The following MVB12B variants were observed in gnomAD, a reference collection of about 807,000 sequenced individuals.
The protein encoded by MVB12B is ESCRT-I complex subunit MVB12B.
MVB12B carries 16 observed loss-of-function variants against 41.6 expected under a neutral mutation model. The ratio of observed to expected loss-of-function variants is 0.38; its 90% CI spans 0.26 to 0.58. The LOEUF (loss-of-function observed/expected upper bound fraction) is 0.58, where lower values mean the gene tolerates loss of function less well. Ranked by LOEUF, MVB12B falls within the 20% of genes least tolerant of loss-of-function variation. MVB12B has a pLI of 0.62. For missense variants in MVB12B, 274 were observed against 380.2 expected (o/e 0.72, Z 2.32); for synonymous variants, 133 against 139.7 (o/e 0.95, Z 0.34).
intron 6 of MVB12B, among the ~76,000 whole-genome samples, chr9:126,401,982 G>A (rs918676400): frequency 2.6e-5 from 4 of 152,188 alleles, no homozygotes; most frequent in Admixed American, 6.5e-5. Flanking sequence ...GGACTTGAAC[G>A]AAAGGCCCAG....
chr9:126,346,587 G>T (rs570349818), intron 2 of MVB12B, among the ~76,000 whole-genome samples: 4 of 152,186 alleles, frequency 2.6e-5, no homozygotes, highest in African/African-American at 9.6e-5. Context: ...CTGGAGAGAG[G>T]TCTGAGCACC....
At chr9:126,450,863 GA>G (rs1832875327) in intron 7 of MVB12B, among the ~76,000 whole-genome samples, 1 of 152,214 alleles carries the variant, frequency 6.6e-6, no homozygotes, top group Non-Finnish European at 1.5e-5. Context: ...TGGGTTTTGG[GA>G]GGCAGATCAA....
At chr9:126,400,989 C>T (rs1005384579) in intron 6 of MVB12B, among the ~76,000 whole-genome samples, 1 of 152,156 alleles carries the variant, frequency 6.6e-6, no homozygotes, top group South Asian at 2.1e-4. Flanking sequence ...TGCGGGGGCT[C>T]TCCTAGAAAA....
rs188470160 is a variant in MVB12B at position 126,506,988 on chromosome 9, T to C, written c.*3725T>C. 6 of 152,766 alleles carry C rather than the reference T, an allele frequency of 3.9e-5. No homozygotes were observed. The highest frequency in any genetic ancestry group is 1.4e-4 in the African/African-American group (6 of 41,590). 9.5% of individuals were successfully genotyped at this position (152,766 alleles called of 1,614,324 possible). A position where few individuals can be genotyped will look rare whatever the true frequency, so the allele number is the denominator to read the frequency against. On this transcript the variant is annotated 3_prime_UTR_variant, in exon 10 of 10. Transcript: ENST00000361171. ...TTGGCAAGGGAAGTCCACTGTGTGA[T>C]TGTCTGTATTCTTAATATAATTTGT... is the stretch of plus-strand genomic sequence containing the variant.
In MVB12B at chr9:126,367,937, G is replaced by T. The variant is rs1281156851; in HGVS notation, c.205-13127G>T. Among the ~76,000 whole-genome samples, 1 of 152,196 alleles carries T rather than the reference G, an allele frequency of 6.6e-6. No homozygotes were observed. The highest frequency in any genetic ancestry group is 1.9e-4 in the East Asian group (1 of 5,200). On this transcript the variant is annotated intron_variant, in intron 2 of 9. Transcript: ENST00000361171. This position sits in a 1 kb window ranked among gnomAD's most constrained non-coding sequence, Gnocchi z 4.3. ...GTGCCTGACATATCATAAATGGCTA[G>T]AGAATGTTTGCTGAAAGAAAAGGAA...
At chr9:126,418,157 G>A (rs1358206607) in intron 6 of MVB12B, among the ~76,000 whole-genome samples, 6 of 151,338 alleles carry the variant, frequency 4.0e-5, no homozygotes, top group African/African-American at 1.5e-4. Flanking sequence ...GACGAAGTGG[G>A]AGTTGGCGGG....
At chr9:126,500,641 G>A (rs1196810255) in intron 9 of MVB12B, among the ~76,000 whole-genome samples, 1 of 152,232 alleles carries the variant, frequency 6.6e-6, no homozygotes, top group South Asian at 2.1e-4. Context: ...TGTGCGTTCA[G>A]AGTTGAAAAG....
At chr9:126,397,159 C>A in intron 6 of MVB12B, 1 of 985,484 alleles carries the variant, frequency 1.0e-6, no homozygotes, top group South Asian at 4.7e-5. Flanking sequence ...GAGCAGTTGC[C>A]CTGAAGTTGT....
intron 6 of MVB12B, among the ~76,000 whole-genome samples, chr9:126,413,849 T>TGTGTGTGTGTGCGC (rs1554776184): frequency 1.3e-5 from 2 of 148,628 alleles, no homozygotes; most frequent in South Asian, 2.2e-4. Flanking sequence ...TGTGTGTGTG[T>TGTGTGTGTGTGCGC]GTGTATAAGG....
At chr9:126,398,948 C>T (rs554172617) in intron 6 of MVB12B, among the ~76,000 whole-genome samples, 1 of 152,206 alleles carries the variant, frequency 6.6e-6, no homozygotes, top group Admixed American at 6.5e-5. Context: ...ATCTTTGCAC[C>T]GTCTGTAGGC....
intron 9 of MVB12B, among the ~76,000 whole-genome samples, chr9:126,492,118 GCACACA>G (rs35494875): frequency 2.1e-5 from 3 of 143,316 alleles, no homozygotes; most frequent in Non-Finnish European, 3.0e-5. Flanking sequence ...TGCGGCACGT[GCACACA>G]CACACACACA....
intron 2 of MVB12B, among the ~76,000 whole-genome samples, chr9:126,379,566 C>T (rs1488720757): frequency 6.6e-6 from 1 of 152,202 alleles, no homozygotes; most frequent in Non-Finnish European, 1.5e-5. Context: ...AAAATTATCC[C>T]CATACCATTC....
intron 7 of MVB12B, among the ~76,000 whole-genome samples, chr9:126,470,641 G>A (rs886244073): frequency 2.2e-5 from 2 of 90,176 alleles, no homozygotes; most frequent in African/African-American, 8.1e-5. Context: ...GGAGGAGTCA[G>A]TGCTCTGTGT....
chr9:126,405,916 A>G (rs189819789), intron 6 of MVB12B, among the ~76,000 whole-genome samples: 194 of 150,642 alleles, frequency 1.3e-3, no homozygotes, highest in Non-Finnish European at 2.4e-3. Context: ...TGTGCCAGGC[A>G]TTGTGTAAAC....
intron 2 of MVB12B, among the ~76,000 whole-genome samples, chr9:126,356,523 T>A (rs1829884962): frequency 6.6e-6 from 1 of 152,148 alleles, no homozygotes; most frequent in Non-Finnish European, 1.5e-5. Context: ...TGTATGTAAA[T>A]GTCTGGGACA....
chr9:126,393,943 T>C (rs1370304727), intron 5 of MVB12B, among the ~76,000 whole-genome samples: 1 of 152,258 alleles, frequency 6.6e-6, no homozygotes, highest in Non-Finnish European at 1.5e-5. Context: ...TCTGATAGCC[T>C]AGACCCGGTG....
intron 7 of MVB12B, among the ~76,000 whole-genome samples, chr9:126,453,781 AT>A (rs1564337116): frequency 6.6e-6 from 1 of 152,238 alleles, no homozygotes; most frequent in Non-Finnish European, 1.5e-5. Flanking sequence ...CCTCACATGC[AT>A]ATGTGCACAC....
At chr9:126,438,505 C>T (rs1344316574) in intron 7 of MVB12B, among the ~76,000 whole-genome samples, 1 of 152,168 alleles carries the variant, frequency 6.6e-6, no homozygotes, top group Non-Finnish European at 1.5e-5. Context: ...GATCCAAGTC[C>T]AGGTGGTGTG....
rs1163835391 is a variant in MVB12B, at chr9:126,392,157, C to G, written c.501C>G (p.Gly167=). 5.0e-6 allele frequency: 8 copies of G among 1,614,170 alleles called. No homozygotes were observed. Among genetic ancestry groups the G allele is most frequent in the Non-Finnish European group, 6.8e-6 (8 of 1,180,028 alleles). ...EAAICDIRIM[G]RTKQAPPQYT... ...CGATTTGTGACATTCGGATCATGGG[C>G]CGGACCAAGCAGGCCCCGCCTCAGT... The change falls in exon 5 of 10, where the codon GGC becomes GGG. Residue 167 remains glycine, a synonymous_variant. Transcript: ENST00000361171. The surrounding 1 kb of genome is among the most constrained non-coding windows in gnomAD (Gnocchi z 4.8).
Sources: gnomAD v4.1 joint callset for allele counts (sites outside exome capture counted in the v4.1 genomes callset) on GRCh38, gnomAD v4.1.1 for gene constraint, Gnocchi (gnomAD v3.1) non-coding constraint, MANE v1.5 for transcripts, NCBI Gene and HGNC (gene_info 2026-07-23, HGNC 2026-07-21) for gene names.